The following TAF1 variants were observed in gnomAD, a reference collection of about 807,000 sequenced individuals.
TAF1 encodes TATA-box binding protein associated factor 1, also known as transcription initiation factor TFIID subunit 1.
Under a neutral mutation model 138.5 loss-of-function variants are expected in TAF1, and 2 were observed. The observed-to-expected ratio is 0.01, with a 90% CI of 0.01 to 0.05. The LOEUF (loss-of-function observed/expected upper bound fraction) is 0.05. Ranked by LOEUF, TAF1 falls within the 10% of genes least tolerant of loss-of-function variation. TAF1 has a pLI of 1.00. For missense variants in TAF1, 709 were observed against 1,478.0 expected (o/e 0.48, Z 8.53); for synonymous variants, 437 against 503.2 (o/e 0.87, Z 1.76).
Position 71,510,191 on chromosome X carries a change from T to C in TAF1, c.1367-18351T>C, listed in dbSNP as rs546901284. ...AAAGAAATAAAGGATATTGGGGAGC[T>C]CCCACAATTGTTGGGAGAGCTGGAG... On this transcript the variant is annotated intron_variant and NMD_transcript_variant, in intron 13 of 14. Transcript: ENST00000373775. Among the ~76,000 whole-genome samples, 5 of 110,159 alleles carry C rather than the reference T, an allele frequency of 4.5e-5. No homozygotes were observed. In the East Asian group the frequency reaches 8.5e-4, roughly 19 times the overall value.
At chrX:71,397,181 A>T in intron 22 of TAF1, 72 bp from the exon 23 acceptor site, 1 of 1,080,677 alleles carries the variant, frequency 9.3e-7, no homozygotes, top group Non-Finnish European at 1.3e-6. Context: ...TGATAGCTCC[A>T]CTCAATCCCA....
At position 71,464,390 on chromosome X, in the gene TAF1, C is replaced by A; in HGVS notation, c.*344C>A. ...GGGGAAATTATGAAAGAACTAGTAACTTTATGTCCTCTTGATGTATTAGGA... is the reference window on the plus strand; with the variant it reads ...GGGGAAATTATGAAAGAACTAGTAAATTTATGTCCTCTTGATGTATTAGGA... On this transcript the variant is annotated 3_prime_UTR_variant, in exon 38 of 38. Transcript: ENST00000423759. 8.1e-6 allele frequency: 3 copies of A among 370,624 alleles called. No homozygotes were observed. The highest frequency in any genetic ancestry group is 9.2e-6 in the Non-Finnish European group (2 of 217,477). The allele number at this position is 370,624 out of a possible 1,213,427, so 30.5% of individuals were successfully genotyped here.
At chrX:71,524,019 C>CTTT (rs397895424) in intron 13 of TAF1, among the ~76,000 whole-genome samples, 6 of 76,357 alleles carry the variant, frequency 7.9e-5, no homozygotes, top group Admixed American at 1.5e-4. Flanking sequence ...TGTAATAGTT[C>CTTT]TTTTTTTTTT....
intron 1 of TAF1, among the ~76,000 whole-genome samples, chrX:71,366,720 A>C (rs1346135410): frequency 1.8e-5 from 2 of 111,411 alleles, no homozygotes; most frequent in Non-Finnish European, 3.8e-5. Context: ...CCAGGGGCGC[A>C]GGGAATAGTG....
chrX:71,390,367 T>G (rs1300538972), intron 18 of TAF1, among the ~76,000 whole-genome samples: 1 of 111,972 alleles, frequency 8.9e-6, no homozygotes, highest in African/African-American at 3.2e-5. Flanking sequence ...CAGTTATGTC[T>G]TCTACTGAGA....
At chrX:71,494,060 G>A (rs2039348743) in intron 13 of TAF1, among the ~76,000 whole-genome samples, 1 of 111,631 alleles carries the variant, frequency 9.0e-6, no homozygotes, top group Admixed American at 9.5e-5. Context: ...CGCAGACCGT[G>A]GGCCTCAGGC....
chrX:71,515,962 G>A (rs1278285976), intron 13 of TAF1, among the ~76,000 whole-genome samples: 1 of 111,341 alleles, frequency 9.0e-6, no homozygotes, highest in Non-Finnish European at 1.9e-5. Flanking sequence ...CCACCTATAG[G>A]ATGTATCTAA....
Position 71,366,500 on chromosome X carries a change from G to C in TAF1, c.120+6G>C. On this transcript the variant is annotated splice_donor_region_variant and intron_variant, in intron 1 of 37. Transcript: ENST00000423759. ...GGGAAAGCGTCTTGGATGATGTGAG[G>C]GGGTGGGCGTGGGGGTAGGGCTCGG... 3.5e-6 allele frequency: 4 copies of C among 1,141,243 alleles called. No homozygotes were observed. Among genetic ancestry groups the C allele is most frequent in the Non-Finnish European group, 4.7e-6 (4 of 856,325 alleles). The allele number at this position is 1,141,243 out of a possible 1,213,427, so 94.1% of individuals were successfully genotyped here.
intron 2 of TAF1, among the ~76,000 whole-genome samples, 173 bp from the exon 3 acceptor site, chrX:71,367,881 G>T (rs761866793): frequency 8.9e-6 from 1 of 111,955 alleles, no homozygotes; most frequent in East Asian, 2.8e-4. Context: ...ATATTGGTCA[G>T]ACTGGTCTTG....
chrX:71,477,047 T>G (rs1473434980), intron 13 of TAF1, among the ~76,000 whole-genome samples: 2 of 109,324 alleles, frequency 1.8e-5, no homozygotes, highest in African/African-American at 3.3e-5. Context: ...CAAGTGATTC[T>G]CCTGTCTCAG....
intron 32 of TAF1, among the ~76,000 whole-genome samples, chrX:71,434,352 A>G (rs2037037158): frequency 1.8e-5 from 2 of 112,499 alleles, no homozygotes; most frequent in African/African-American, 6.5e-5. Flanking sequence ...TATTAAAGTT[A>G]ATCTAAATTA....
intron 16 of TAF1, 93 bp downstream of exon 16, chrX:71,388,471 T>C (rs1240039271): frequency 9.1e-7 from 1 of 1,094,365 alleles, no homozygotes; most frequent in Non-Finnish European, 1.2e-6. Flanking sequence ...GTTAATAAAA[T>C]AGAAATTGAT....
intron 32 of TAF1, among the ~76,000 whole-genome samples, chrX:71,440,534 A>C (rs2037359926): frequency 9.1e-6 from 1 of 109,306 alleles, no homozygotes; most frequent in Non-Finnish European, 1.9e-5. Flanking sequence ...TGTGGAAAAA[A>C]AATGTACTGG....
chrX:71,500,024 G>A (rs2147568579), intron 13 of TAF1, among the ~76,000 whole-genome samples: 1 of 111,047 alleles, frequency 9.0e-6, no homozygotes, highest in African/African-American at 3.3e-5. Flanking sequence ...ACAGCTTGAA[G>A]GGGACATAAC....
At chrX:71,513,529 G>T (rs2039769472) in intron 13 of TAF1, among the ~76,000 whole-genome samples, 1 of 111,046 alleles carries the variant, frequency 9.0e-6, no homozygotes, top group African/African-American at 3.3e-5. Flanking sequence ...GGTAGACAGG[G>T]ATGAAAGGGA....
At chrX:71,473,622 A>G in intron 13 of TAF1, among the ~76,000 whole-genome samples, 1 of 110,378 alleles carries the variant, frequency 9.1e-6, no homozygotes. Flanking sequence ...AGAAGGCTAC[A>G]GTGAGCCGTG....
intron 13 of TAF1, among the ~76,000 whole-genome samples, chrX:71,500,223 C>T (rs757346365): frequency 3.6e-5 from 4 of 110,779 alleles, no homozygotes; most frequent in South Asian, 3.8e-4. Flanking sequence ...AATTCTCCTT[C>T]GATGAAAAGA....
At position 71,458,303 on chromosome X, in the gene TAF1, A is replaced by G. The variant is rs775325893; in HGVS notation, c.5001A>G (p.Gln1667=). Residue 1667 remains glutamine (Q), a synonymous_variant, in exon 35 of 38, where the codon CAA becomes CAG. Coordinates refer to ENST00000423759, the MANE Select transcript of TAF1 (RefSeq NM_004606.5). ...LSMSRDASVF[Q]DESNMSVLDI... ...TGTCTCGAGATGCCTCTGTATTTCA[A>G]GATGAGAGCAATATGTCTGTCTTGG... 1.7e-5 allele frequency: 20 copies of G among 1,210,650 alleles called. No homozygotes were observed. In the South Asian group the frequency reaches 3.2e-4, roughly 19 times the overall value.
chrX:71,384,216 T>C, intron 13 of TAF1, 81 bp downstream of exon 13: 1 of 1,081,160 alleles, frequency 9.2e-7, no homozygotes, highest in Non-Finnish European at 1.3e-6. Context: ...AAACTTTTTG[T>C]TATTAACATA....
Sources: gnomAD v4.1 joint callset for allele counts (sites outside exome capture counted in the v4.1 genomes callset) on GRCh38, gnomAD v4.1.1 for gene constraint, MANE v1.5 for transcripts, NCBI Gene and HGNC (gene_info 2026-07-23, HGNC 2026-07-21) for gene names.